The following C3orf70 variants were observed in gnomAD, a reference collection of about 807,000 sequenced individuals.
C3orf70 encodes UPF0524 protein C3orf70.
In C3orf70, 15 loss-of-function variants were observed where a neutral mutation model predicts 20.7. The observed-to-expected ratio is 0.72, with a 90% CI of 0.48 to 1.11. The LOEUF (loss-of-function observed/expected upper bound fraction) is 1.11, where lower values mean the gene tolerates loss of function less well. C3orf70 is among the 50% of genes most tolerant of loss of function. The pLI, the probability that C3orf70 is intolerant of heterozygous loss-of-function variation, is 0.00. For synonymous variants in C3orf70, 161 were observed against 125.7 expected, an observed-to-expected ratio of 1.28 and a Z score of -1.88; for missense variants, 332 against 317.6, an observed-to-expected ratio of 1.05 and a Z score of -0.34.
At chr3:185,102,410 T>C (rs1456155976) in intron 1 of C3orf70, among the ~76,000 whole-genome samples, 1 of 152,126 alleles carries the variant, frequency 6.6e-6, no homozygotes, top group Non-Finnish European at 1.5e-5. Context: ...AAATCAGAGA[T>C]GACACAAACA....
intron 1 of C3orf70, among the ~76,000 whole-genome samples, chr3:185,135,116 A>G (rs561558166): frequency 1.2e-3 from 188 of 152,378 alleles, no homozygotes; most frequent in Non-Finnish European, 2.2e-3. Flanking sequence ...ATCATTTGTC[A>G]TAACAACAAA....
intron 1 of C3orf70, among the ~76,000 whole-genome samples, chr3:185,122,485 A>C (rs915417286): frequency 2.6e-5 from 4 of 152,320 alleles, no homozygotes; most frequent in Admixed American, 6.5e-5. Flanking sequence ...GTAAATCACC[A>C]TCCGAGGATA....
rs1366193680 is a variant in C3orf70 at position 185,083,522 on chromosome 3, G to C, written c.238C>G (p.Pro80Ala). 6.2e-7 allele frequency: 1 copy of C among 1,612,186 alleles called. No homozygotes were observed. Among genetic ancestry groups the C allele is most frequent in the African/African-American group, 1.3e-5 (1 of 74,910 alleles). ...GGCCTGGCAGGAATCTCAGTGCTTG[G>C]AAGCTGTTCCACAGGGGTCATAGGC... ...YQPMTPVEQL[P>A]STEIPARPRE... The change falls in exon 2 of 2, where the codon CCA becomes GCA. Residue 80 changes from proline (P) to alanine (A), a missense_variant. Coordinates refer to ENST00000335012, the MANE Select transcript of C3orf70 (RefSeq NM_001025266.3).
chr3:185,096,997 G>A (rs559268646), intron 1 of C3orf70, among the ~76,000 whole-genome samples: 27 of 152,132 alleles, frequency 1.8e-4, no homozygotes, highest in African/African-American at 5.3e-4. Context: ...GTCTTTCCTT[G>A]GGTATTCTCC....
rs1715398703 is a variant in C3orf70, at chr3:185,083,506, G to C, written c.254C>G (p.Pro85Arg). ...PVEQLPSTEI[P>R]ARPREPTNTI... ...GTTTGTGGGTTCCCGAGGCCTGGCA[G>C]GAATCTCAGTGCTTGGAAGCTGTTC... The change falls in exon 2 of 2, where the codon CCT becomes CGT. Residue 85 changes from proline to arginine, a missense_variant. Transcript: ENST00000335012. The C allele has an allele frequency of 2.5e-6, 4 of 1,613,388 alleles. No individual in the cohort carries two copies. The highest frequency in any genetic ancestry group is 3.4e-6 in the Non-Finnish European group (4 of 1,179,842).
At chr3:185,106,784 T>G (rs1275166122) in intron 1 of C3orf70, among the ~76,000 whole-genome samples, 1 of 152,222 alleles carries the variant, frequency 6.6e-6, no homozygotes, top group African/African-American at 2.4e-5. Flanking sequence ...CAGGGCTCTG[T>G]GGACCCTTGC....
rs754554934 is a variant in C3orf70, at chr3:185,152,725, G to C, written c.99C>G (p.Pro33=). ...ALARSCAARR[P]DFQPCDGLSI... ...ACAGCCCGTCGCACGGCTGGAAGTC[G>C]GGTCTGCGGGCGGCGCAACTCCGCG... Residue 33 remains proline (P), a synonymous_variant, in exon 1 of 2, where the codon CCC becomes CCG. Coordinates refer to ENST00000335012, the MANE Select transcript of C3orf70 (RefSeq NM_001025266.3). The C allele has an allele frequency of 1.3e-6, 2 of 1,593,508 alleles. No individual in the cohort carries two copies. The highest frequency in any genetic ancestry group is 3.3e-4 in the Middle Eastern group (2 of 6,016).
Position 185,152,643 on chromosome 3 carries a change from G to C in C3orf70, c.181C>G (p.Leu61Val). Residue 61 changes from leucine to valine, a missense_variant, in exon 1 of 2, where the codon CTA becomes GTA. Physicochemically the swap from Leu to Val is conservative, Grantham distance 32. Transcript: ENST00000335012. ...CTCGACTTACAGTGACACCATCCTA[G>C]GTGACAGCACCAGTGCAGCTTGAAG... Reference protein sequence around the residue: ...KCFKLHWCCHLGWCHCKYMYQ... With the variant: ...KCFKLHWCCHVGWCHCKYMYQ... 1 of 1,582,314 alleles carries C rather than the reference G, an allele frequency of 6.3e-7. No individual in the cohort carries two copies. The highest frequency in any genetic ancestry group is 8.6e-7 in the Non-Finnish European group (1 of 1,164,586).
intron 1 of C3orf70, among the ~76,000 whole-genome samples, chr3:185,150,508 G>C (rs1290353009): frequency 6.7e-6 from 1 of 150,202 alleles, no homozygotes; most frequent in Admixed American, 6.6e-5. Flanking sequence ...ATATAAGTGT[G>C]AGATGGGCAA....
chr3:185,148,615 T>C (rs1307787003), intron 1 of C3orf70, among the ~76,000 whole-genome samples: 2 of 152,222 alleles, frequency 1.3e-5, no homozygotes, highest in East Asian at 1.9e-4. Context: ...CGCGAAGCCA[T>C]GTATTTCTTT....
At chr3:185,139,191 G>A (rs1716695421) in intron 1 of C3orf70, among the ~76,000 whole-genome samples, 1 of 151,286 alleles carries the variant, frequency 6.6e-6, no homozygotes. Flanking sequence ...GGGGAGAGGG[G>A]GGAGGAGGAG....
chr3:185,130,208 T>C (rs541179391), intron 1 of C3orf70, among the ~76,000 whole-genome samples: 1 of 152,300 alleles, frequency 6.6e-6, no homozygotes, highest in East Asian at 1.9e-4. Flanking sequence ...CCCAGCACTT[T>C]GGGAGGCCGA....
At chr3:185,088,306 T>C (rs1218311937) in intron 1 of C3orf70, among the ~76,000 whole-genome samples, 1 of 152,198 alleles carries the variant, frequency 6.6e-6, no homozygotes, top group East Asian at 1.9e-4. Context: ...CACTCCATAA[T>C]GAGAAAACAA....
intron 1 of C3orf70, among the ~76,000 whole-genome samples, chr3:185,132,717 G>A (rs1264685117): frequency 2.6e-5 from 4 of 152,190 alleles, no homozygotes; most frequent in African/African-American, 9.6e-5. Context: ...TGAAGAGCAG[G>A]TGGTCAGGTA....
At chr3:185,125,528 C>T (rs568231428) in intron 1 of C3orf70, among the ~76,000 whole-genome samples, 1 of 152,282 alleles carries the variant, frequency 6.6e-6, no homozygotes, top group Admixed American at 6.5e-5. Flanking sequence ...TGAAGACATA[C>T]ATTCTCACAA....
chr3:185,078,947 A>C lies in C3orf70; in HGVS notation c.*4060T>G, dbSNP rs1215571281. ...AAAAGGGGTTTGTTATCGGTCCCAA[A>C]ATACTTGTGATGGTTCAAATAGACC... On this transcript the variant is annotated 3_prime_UTR_variant, in exon 2 of 2. Transcript: ENST00000335012. 1 of 152,160 alleles carries C rather than the reference A, an allele frequency of 6.6e-6. No individual in the cohort carries two copies. The highest frequency in any genetic ancestry group is 2.4e-5 in the African/African-American group (1 of 41,428). The allele number at this position is 152,160 out of a possible 1,614,324, so 9.4% of individuals were successfully genotyped here.
chr3:185,117,607 C>A (rs1055390827), intron 1 of C3orf70, among the ~76,000 whole-genome samples: 8 of 152,216 alleles, frequency 5.3e-5, no homozygotes, highest in African/African-American at 1.9e-4. Flanking sequence ...AGTAATCTTT[C>A]TCAAGAAGAT....
chr3:185,102,547 T>C (rs1715842739), intron 1 of C3orf70, among the ~76,000 whole-genome samples: 1 of 152,194 alleles, frequency 6.6e-6, no homozygotes, highest in Non-Finnish European at 1.5e-5. Context: ...TTCACAGAAC[T>C]AGAAAATCTA....
In C3orf70 at chr3:185,112,673, G is replaced by A. The variant is rs932558924; in HGVS notation, c.197-29110C>T. On this transcript the variant is annotated intron_variant, in intron 1 of 1. Transcript: ENST00000335012. ...TATATAAGTTATTTTTGTACTCTAT[G>A]TACTTCATGTACCCACCATCTAGTT... Among the ~76,000 whole-genome samples the A allele has an allele frequency of 3.9e-5, 6 of 152,212 alleles. No homozygotes were observed. In the East Asian group the frequency reaches 1.2e-3, roughly 29 times the overall value.
Sources: allele counts gnomAD v4.1 joint callset (sites outside exome capture counted in the v4.1 genomes callset), GRCh38; gene constraint gnomAD v4.1.1; transcripts MANE v1.5; gene names NCBI Gene and HGNC (gene_info 2026-07-23, HGNC 2026-07-21).